Variants in CWC27 observed in about 807,000 individuals in gnomAD.
The protein encoded by CWC27 is spliceosome-associated protein CWC27 homolog.
In CWC27, 47 loss-of-function variants were observed where a neutral mutation model predicts 63.6. The observed-to-expected ratio is 0.74, with a 90% CI of 0.58 to 0.94. The LOEUF is 0.94. Ranked by LOEUF, CWC27 falls within the 40% of genes least tolerant of loss-of-function variation. The probability of loss-of-function intolerance (pLI) is 0.00; values close to 1 mark genes in which losing one functional copy is unlikely to be tolerated. For synonymous variants in CWC27, 175 were observed against 179.8 expected (o/e 0.97, Z 0.22); for missense variants, 495 against 554.3 (o/e 0.89, Z 1.07).
At chr5:64,852,283 A>T (rs1192331851) in intron 10 of CWC27, among the ~76,000 whole-genome samples, 1 of 152,212 alleles carries the variant, frequency 6.6e-6, no homozygotes, top group Non-Finnish European at 1.5e-5. Context: ...GGTTGTATAC[A>T]TACTGAATGG....
At chr5:64,850,054 A>G (rs1348657134) in intron 10 of CWC27, among the ~76,000 whole-genome samples, 2 of 152,164 alleles carry the variant, frequency 1.3e-5, no homozygotes, top group Non-Finnish European at 2.9e-5. Flanking sequence ...AATAGAAAAA[A>G]TAATCTTAAA....
chr5:64,991,447 G>A lies in CWC27; in HGVS notation c.1256+14209G>A, dbSNP rs1749534896. Among the ~76,000 whole-genome samples the A allele has an allele frequency of 2.0e-5, 3 of 152,238 alleles. No individual in the cohort carries two copies. The East Asian group carries it at 5.8e-4, about 29-fold the overall frequency. On this transcript the variant is annotated intron_variant, in intron 13 of 13. Transcript: ENST00000381070. ...CACTACATTAAAACAAATGGAGGCTGGGAGCTGTGGCTCACGCCTGTAATC... is the reference window on the plus strand; with the variant it reads ...CACTACATTAAAACAAATGGAGGCTAGGAGCTGTGGCTCACGCCTGTAATC...
chr5:64,838,380 A>T (rs1266785711), intron 10 of CWC27, among the ~76,000 whole-genome samples: 1 of 152,190 alleles, frequency 6.6e-6, no homozygotes, highest in African/African-American at 2.4e-5. Context: ...ATAACAATAT[A>T]CATATAGATT....
intron 13 of CWC27, among the ~76,000 whole-genome samples, chr5:64,979,442 C>A (rs945333967): frequency 1.3e-5 from 2 of 152,160 alleles, no homozygotes; most frequent in African/African-American, 4.8e-5. Context: ...TATGTAATGC[C>A]TTTTTATTGC....
intron 11 of CWC27, among the ~76,000 whole-genome samples, chr5:64,923,893 A>T (rs1748050845): frequency 6.6e-6 from 1 of 151,960 alleles, no homozygotes; most frequent in Non-Finnish European, 1.5e-5. Context: ...TACTAGTTGT[A>T]CCACTCTTTT....
chr5:64,843,080 T>C (rs1269959307), intron 10 of CWC27, among the ~76,000 whole-genome samples: 2 of 152,244 alleles, frequency 1.3e-5, no homozygotes, highest in Non-Finnish European at 2.9e-5. Flanking sequence ...GATTTTTTGA[T>C]TTATCTGTGT....
At chr5:65,011,400 GA>G (rs2112474360) in intron 13 of CWC27, among the ~76,000 whole-genome samples, 1 of 152,330 alleles carries the variant, frequency 6.6e-6, no homozygotes, top group Non-Finnish European at 1.5e-5. Context: ...ATCAGGAAAG[GA>G]ATCAGGAACC....
At chr5:64,854,938 T>A (rs934609608) in intron 10 of CWC27, among the ~76,000 whole-genome samples, 4 of 152,184 alleles carry the variant, frequency 2.6e-5, no homozygotes, top group African/African-American at 9.7e-5. Flanking sequence ...TTTGAAGTTC[T>A]TTTTTGAAAG....
chr5:64,991,764 G>A (rs1202487133), intron 13 of CWC27, among the ~76,000 whole-genome samples: 5 of 151,958 alleles, frequency 3.3e-5, no homozygotes, highest in African/African-American at 7.3e-5. Flanking sequence ...AAAAACCAAC[G>A]GAAACCAATT....
At chr5:64,778,243 T>C (rs1743529500) in intron 2 of CWC27, among the ~76,000 whole-genome samples, 1 of 151,762 alleles carries the variant, frequency 6.6e-6, no homozygotes, top group South Asian at 2.2e-4. Context: ...CTCAGGATAG[T>C]AGTTGCTTGC....
At chr5:64,919,958 T>C (rs1384340657) in intron 11 of CWC27, among the ~76,000 whole-genome samples, 1 of 152,230 alleles carries the variant, frequency 6.6e-6, no homozygotes, top group Non-Finnish European at 1.5e-5. Context: ...ATTGTAGTTC[T>C]GTTTTAAGTT....
chr5:64,887,866 T>G (rs1283077471), intron 11 of CWC27, among the ~76,000 whole-genome samples: 1 of 152,162 alleles, frequency 6.6e-6, no homozygotes, highest in African/African-American at 2.4e-5. Flanking sequence ...GGAAATACAA[T>G]TCTAAGAAAA....
intron 11 of CWC27, among the ~76,000 whole-genome samples, chr5:64,945,774 A>G (rs1748579936): frequency 6.6e-6 from 1 of 152,178 alleles, no homozygotes; most frequent in African/African-American, 2.4e-5. Context: ...GATATTTTGT[A>G]GAATACTGTA....
chr5:64,960,890 C>T (rs533320636), intron 11 of CWC27, among the ~76,000 whole-genome samples: 90 of 151,182 alleles, frequency 6.0e-4, no homozygotes, highest in African/African-American at 2.2e-3. Flanking sequence ...TGTGACTACA[C>T]GCCTGCACCA....
intron 11 of CWC27, among the ~76,000 whole-genome samples, chr5:64,943,499 T>G (rs533168544): frequency 3.9e-5 from 6 of 152,340 alleles, no homozygotes; most frequent in African/African-American, 1.4e-4. Context: ...TCTATTTACA[T>G]GCTGGTATAT....
chr5:64,946,497 C>T (rs962945549), intron 11 of CWC27, among the ~76,000 whole-genome samples: 1 of 152,062 alleles, frequency 6.6e-6, no homozygotes, highest in African/African-American at 2.4e-5. Flanking sequence ...TGTGCATATT[C>T]ACAAAACTTG....
At chr5:64,975,519 C>A (rs1040696621) in intron 12 of CWC27, among the ~76,000 whole-genome samples, 2 of 151,880 alleles carry the variant, frequency 1.3e-5, no homozygotes, top group East Asian at 3.9e-4. Flanking sequence ...AATAGAAAAA[C>A]CTTTTTCTAG....
chr5:64,773,869 A>G (rs1189126049), intron 1 of CWC27: 2 of 152,210 alleles, frequency 1.3e-5, no homozygotes, highest in South Asian at 2.1e-4. Context: ...TGGAAAGGCT[A>G]TCACGGGATT....
At chr5:64,993,099 C>G (rs866961239) in intron 13 of CWC27, among the ~76,000 whole-genome samples, 2 of 152,114 alleles carry the variant, frequency 1.3e-5, no homozygotes, top group Admixed American at 6.5e-5. Flanking sequence ...ATAACAATAT[C>G]TACCTCAGAG....
Sources: gnomAD v4.1 joint callset for allele counts (sites outside exome capture counted in the v4.1 genomes callset) on GRCh38, gnomAD v4.1.1 for gene constraint, MANE v1.5 for transcripts, NCBI Gene and HGNC (gene_info 2026-07-23, HGNC 2026-07-21) for gene names.